The following TOMM40 variants were observed in gnomAD, a reference collection of about 807,000 sequenced individuals.
TOMM40 encodes translocase of outer mitochondrial membrane 40.
Under a neutral mutation model 38.4 loss-of-function variants are expected in TOMM40, and 9 were observed. The observed-to-expected ratio is 0.23, with a 90% confidence interval of 0.14 to 0.41. The LOEUF is 0.41. Among genes scored for constraint, TOMM40 ranks in the 10% least tolerant of loss-of-function variants. The pLI is 1.00. For missense variants in TOMM40, 299 were observed against 486.5 expected (o/e 0.61, Z 3.63); for synonymous variants, 184 against 210.0 (o/e 0.88, Z 1.07).
chr19:44,899,299 A>G (rs1969632804), intron 5 of TOMM40, among the ~76,000 whole-genome samples: 1 of 151,940 alleles, frequency 6.6e-6, no homozygotes, highest in Non-Finnish European at 1.5e-5. Flanking sequence ...AGCATGTGCC[A>G]TCATGCCTGG....
Position 44,893,070 on chromosome 19 carries a change from C to G in TOMM40, c.435+141C>G, listed in dbSNP as rs1003622785. On this transcript the variant is annotated intron_variant, in intron 3 of 8. Transcript: ENST00000426677. ...GGGGATTGCATCTCTCCGAGGTGCA[C>G]TGGGACACAAATAATTCCTTCATCC... 9 of 661,892 alleles carry G rather than the reference C, an allele frequency of 1.4e-5. No homozygotes were observed. The African/African-American group carries it at 1.5e-4, about 11-fold the overall frequency. 41.0% of individuals were successfully genotyped at this position (661,892 alleles called of 1,614,324 possible). A position where few individuals can be genotyped will look rare whatever the true frequency, so the allele number is the denominator to read the frequency against.
rs995909169 is a variant in TOMM40 at position 44,891,397 on chromosome 19, T to C, written c.-19T>C. ...GGGCCCTGACCTCTGCCCTCTGACC[T>C]CTCCCCTAGCAGGCGACCATGGGGA... is the stretch of plus-strand genomic sequence containing the variant. On this transcript the variant is annotated 5_prime_UTR_variant, in exon 1 of 9. Transcript: ENST00000426677. 7.8e-7 allele frequency: 1 copy of C among 1,275,502 alleles called. No homozygotes were observed. Among genetic ancestry groups the C allele is most frequent in the South Asian group, 2.9e-5 (1 of 35,038 alleles). The allele number at this position is 1,275,502 out of a possible 1,614,324, so 79.0% of individuals were successfully genotyped here. A position where few individuals can be genotyped will look rare whatever the true frequency, so the allele number is the denominator to read the frequency against.
rs1178147204 is a variant in TOMM40 at position 44,903,309 on chromosome 19, C to T, written c.*140C>T. On this transcript the variant is annotated 3_prime_UTR_variant, in exon 9 of 9. Coordinates refer to ENST00000426677, the MANE Select transcript of TOMM40 (RefSeq NM_001128917.2). ...GGGGGACATTGGAAAGGAGGGACCC[C>T]GCCACCCCAGCAGCTGAGGAGGGGA... The T allele has an allele frequency of 1.2e-5, 11 of 884,386 alleles. No homozygotes were observed. The highest frequency in any genetic ancestry group is 9.7e-5 in the Admixed American group (3 of 31,048). 54.8% of individuals were successfully genotyped at this position (884,386 alleles called of 1,614,324 possible).
intron 2 of TOMM40, 68 bp downstream of exon 2, chr19:44,892,528 C>G: frequency 6.9e-7 from 1 of 1,453,616 alleles, no homozygotes; most frequent in South Asian, 1.1e-5. Flanking sequence ...CATCTGCACA[C>G]TCGGCCCAAT....
chr19:44,902,900 AGGGTGGCAGGAGCAGT>A lies in TOMM40; in HGVS notation c.947-128_947-113del. 3 of 1,176,390 alleles carry A rather than the reference AGGGTGGCAGGAGCAGT, an allele frequency of 2.6e-6. No homozygotes were observed. In the South Asian group the frequency reaches 4.8e-5, roughly 19 times the overall value. The allele number at this position is 1,176,390 out of a possible 1,614,324, so 72.9% of individuals were successfully genotyped here. ...GAAGTTGTTGGTGTGATGGGGTTTC[AGGGTGGCAGGAGCAGT>A]GTGGTTAAAGGTCTGGAAGCTGTCG... On this transcript the variant is annotated intron_variant, in intron 8 of 8. Coordinates refer to ENST00000426677, the MANE Select transcript of TOMM40 (RefSeq NM_001128917.2).
In TOMM40 at chr19:44,900,711, A is replaced by T. The variant is rs1041829764; in HGVS notation, c.644-19A>T. On this transcript the variant is annotated intron_variant, in intron 5 of 8. Coordinates refer to ENST00000426677, the MANE Select transcript of TOMM40 (RefSeq NM_001128917.2). ...TGGCACTCAGGGTGGGTGGAAACTGATCGTCATTTTGCCCACAGGAATCCT... is the reference window on the plus strand; with the variant it reads ...TGGCACTCAGGGTGGGTGGAAACTGTTCGTCATTTTGCCCACAGGAATCCT... The T allele has an allele frequency of 6.2e-7, 1 of 1,611,834 alleles. No individual in the cohort carries two copies. The highest frequency in any genetic ancestry group is 1.3e-5 in the African/African-American group (1 of 74,852).
intron 2 of TOMM40, 51 bp from the exon 3 acceptor site, chr19:44,892,786 G>A: frequency 6.7e-7 from 1 of 1,494,358 alleles, no homozygotes; most frequent in Non-Finnish European, 9.3e-7. Flanking sequence ...GCCCTCTTCA[G>A]TGGGCAAGCC....
At chr19:44,898,395 G>A (rs1399682599) in intron 5 of TOMM40, among the ~76,000 whole-genome samples, 4 of 151,780 alleles carry the variant, frequency 2.6e-5, no homozygotes, top group Admixed American at 6.6e-5. Context: ...CCTTCTCCAC[G>A]TGTCTTCCTC....
chr19:44,901,542 C>T (rs1424119970), intron 8 of TOMM40: 1 of 1,098,564 alleles, frequency 9.1e-7, no homozygotes, highest in Non-Finnish European at 1.2e-6. Context: ...TGAGACCATC[C>T]TGGCTAACAC....
chr19:44,894,321 G>T (rs1397498126), intron 5 of TOMM40, among the ~76,000 whole-genome samples: 2 of 147,466 alleles, frequency 1.4e-5, no homozygotes, highest in Non-Finnish European at 3.0e-5. Flanking sequence ...GAGTGCCGTG[G>T]CACGATCTTG....
rs565733655 is a variant in TOMM40 at position 44,898,219 on chromosome 19, G to T, written c.644-2511G>T. Among the ~76,000 whole-genome samples the T allele has an allele frequency of 5.3e-5, 8 of 152,326 alleles. No individual in the cohort carries two copies. In the South Asian group the frequency reaches 1.7e-3, roughly 32 times the overall value. On this transcript the variant is annotated intron_variant, in intron 5 of 8. Transcript: ENST00000426677. ...CCTATTCCTGCAGCTCCAGAGAGCT[G>T]GCTCCAGGCTGGCTCCATGCTAGCA...
At chr19:44,894,170 G>T (rs537199802) in intron 5 of TOMM40, 104 bp downstream of exon 5, 4 of 844,986 alleles carry the variant, frequency 4.7e-6, no homozygotes, top group Non-Finnish European at 7.1e-6. Context: ...TGGAGAAGTG[G>T]CTCAGCAGGA....
At chr19:44,896,102 C>T (rs1205861860) in intron 5 of TOMM40, among the ~76,000 whole-genome samples, 1 of 152,210 alleles carries the variant, frequency 6.6e-6, no homozygotes, top group Non-Finnish European at 1.5e-5. Context: ...CAACCCCGTT[C>T]CCTGTGCCGC....
chr19:44,899,522 C>T (rs1969636393), intron 5 of TOMM40, among the ~76,000 whole-genome samples: 1 of 152,038 alleles, frequency 6.6e-6, no homozygotes, highest in East Asian at 1.9e-4. Context: ...GCTATGTTTC[C>T]CAAGCTGGTT....
chr19:44,899,756 G>GCATTGGGA (rs1417045509), intron 5 of TOMM40, among the ~76,000 whole-genome samples: 1 of 140,320 alleles, frequency 7.1e-6, no homozygotes, highest in Non-Finnish European at 1.5e-5. Flanking sequence ...GCCCTCCAAA[G>GCATTGGGA]CATTGGGATT....
At chr19:44,901,511 G>C in intron 8 of TOMM40, 1 of 1,373,232 alleles carries the variant, frequency 7.3e-7, no homozygotes. Flanking sequence ...GGGAGGCCAA[G>C]GCGGGCCGAG....
rs34215622 is a variant in TOMM40 at position 44,903,281 on chromosome 19, CG to C, written c.*119del. The stretch of plus-strand genomic sequence containing the variant: ...CTCCCTTCCCTCCCCCCTTGGGGGT[CG>C]GGGGGGACATTGGAAAGGAGGGACC... On this transcript the variant is annotated 3_prime_UTR_variant, in exon 9 of 9. Transcript: ENST00000426677. 4.6e-5 allele frequency: 50 copies of C among 1,090,914 alleles called. No homozygotes were observed. Among genetic ancestry groups the C allele is most frequent in the Admixed American group, 9.4e-5 (3 of 31,886 alleles). 67.6% of individuals were successfully genotyped at this position (1,090,914 alleles called of 1,614,324 possible).
Position 44,892,379 on chromosome 19 carries a change from T to A in TOMM40, c.275-14T>A. 6.2e-7 allele frequency: 1 copy of A among 1,613,878 alleles called. No homozygotes were observed. Among genetic ancestry groups the A allele is most frequent in the Non-Finnish European group, 8.5e-7 (1 of 1,179,892 alleles). On this transcript the variant is annotated splice_polypyrimidine_tract_variant and intron_variant, in intron 1 of 8. Coordinates refer to ENST00000426677, the MANE Select transcript of TOMM40 (RefSeq NM_001128917.2). ...GGGGTTGGAGTGGAGTGTGACAGCG[T>A]TTCTCTTCTCCAGAGCTGTTTCCCA...
chr19:44,896,155 T>A (rs1279101625), intron 5 of TOMM40, among the ~76,000 whole-genome samples: 1 of 152,294 alleles, frequency 6.6e-6, no homozygotes, highest in South Asian at 2.1e-4. Context: ...ACTGGCCTCC[T>A]GGAGCCCAGG....
Sources: gnomAD v4.1 joint callset for allele counts (sites outside exome capture counted in the v4.1 genomes callset) on GRCh38, gnomAD v4.1.1 for gene constraint, MANE v1.5 for transcripts, NCBI Gene and HGNC (gene_info 2026-07-23, HGNC 2026-07-21) for gene names.